RAD50: variants seen among roughly 807,000 people sequenced by gnomAD.
RAD50 encodes RAD50 double strand break repair protein, also known as DNA repair protein RAD50.
RAD50 carries 132 observed loss-of-function variants against 168.8 expected under a neutral mutation model. The observed-to-expected ratio is 0.78, with a 90% CI of 0.68 to 0.90. RAD50 has a LOEUF of 0.90. Ranked by LOEUF, RAD50 falls within the 40% of genes least tolerant of loss-of-function variation. The pLI is 0.00. For missense variants in RAD50, 1,347 were observed against 1,534.4 expected (o/e 0.88, Z 2.04); for synonymous variants, 525 against 497.4 (o/e 1.06, Z -0.74).
At chr5:132,596,141 G>C (rs1395920136) in intron 13 of RAD50, among the ~76,000 whole-genome samples, 2 of 151,958 alleles carry the variant, frequency 1.3e-5, no homozygotes, top group African/African-American at 4.8e-5. Flanking sequence ...TTACAGGCAT[G>C]TACCACCACG....
chr5:132,611,795 C>T (rs1751093010), intron 19 of RAD50, among the ~76,000 whole-genome samples: 4 of 149,400 alleles, frequency 2.7e-5, no homozygotes, highest in Admixed American at 2.7e-4. Flanking sequence ...ATACTGACTA[C>T]AGGATAATGT....
At position 132,623,506 on chromosome 5, in the gene RAD50, A is replaced by G. The variant is rs575252561; in HGVS notation, c.3389+5212A>G. Among the ~76,000 whole-genome samples, 8 of 152,242 alleles carry G rather than the reference A, an allele frequency of 5.3e-5. No homozygotes were observed. In the East Asian group the frequency reaches 1.5e-3, roughly 29 times the overall value. On this transcript the variant is annotated intron_variant, in intron 21 of 24. Coordinates refer to ENST00000378823, the MANE Select transcript of RAD50 (RefSeq NM_005732.4). Reference sequence around the variant, plus strand: ...AAAACTAACAATAACAGTAATAATAATAACCCCAAGTTTAGTTTGTCTGTC... The same window carrying G: ...AAAACTAACAATAACAGTAATAATAGTAACCCCAAGTTTAGTTTGTCTGTC...
At chr5:132,605,521 T>A (rs1581002610) in intron 16 of RAD50, among the ~76,000 whole-genome samples, 1 of 152,098 alleles carries the variant, frequency 6.6e-6, no homozygotes. Context: ...ATTTTTAAAA[T>A]TTTTCTAGAG....
chr5:132,640,647 T>C, intron 23 of RAD50, 25 bp from the exon 24 acceptor site: 1 of 1,614,174 alleles, frequency 6.2e-7, no homozygotes, highest in Non-Finnish European at 8.5e-7. Context: ...TGTGCTGGGC[T>C]TCTCACATAG....
At chr5:132,630,159 C>T (rs1293577131) in intron 21 of RAD50, among the ~76,000 whole-genome samples, 1 of 151,874 alleles carries the variant, frequency 6.6e-6, no homozygotes, top group Admixed American at 6.6e-5. Context: ...TCTTCTGCCT[C>T]GGCCTCCCAA....
intron 20 of RAD50, among the ~76,000 whole-genome samples, chr5:132,616,991 A>G (rs1165623569): frequency 6.6e-6 from 1 of 152,220 alleles, no homozygotes; most frequent in Non-Finnish European, 1.5e-5. Context: ...TCTCTTTCCT[A>G]TATCAGGGAA....
chr5:132,616,244 G>C, intron 20 of RAD50, 114 bp downstream of exon 20: 1 of 1,021,542 alleles, frequency 9.8e-7, no homozygotes. Flanking sequence ...TCCTTTGAGA[G>C]TTACTAGAAG....
At position 132,557,256 on chromosome 5, in the gene RAD50, C is replaced by T; in HGVS notation, c.-69C>T. The T allele has an allele frequency of 6.3e-7, 1 of 1,580,610 alleles. No individual in the cohort carries two copies. Among genetic ancestry groups the T allele is most frequent in the African/African-American group, 1.3e-5 (1 of 74,368 alleles). ...TCGCGGGTCTCACGTCCCGTGCACGCCTTGCTTCGGCCTCAGTTAAGCCTT... is the reference window on the plus strand; with the variant it reads ...TCGCGGGTCTCACGTCCCGTGCACGTCTTGCTTCGGCCTCAGTTAAGCCTT... On this transcript the variant is annotated 5_prime_UTR_variant, in exon 1 of 25. Transcript: ENST00000378823.
chr5:132,566,445 C>T (rs1267233853), intron 2 of RAD50, among the ~76,000 whole-genome samples: 1 of 152,166 alleles, frequency 6.6e-6, no homozygotes, highest in African/African-American at 2.4e-5. Context: ...CAAGTCTGGG[C>T]TTTCAAAGCT....
chr5:132,619,875 T>C (rs1751253761), intron 21 of RAD50, among the ~76,000 whole-genome samples: 1 of 103,994 alleles, frequency 9.6e-6, no homozygotes, highest in Admixed American at 9.5e-5. Flanking sequence ...TATAAAGATA[T>C]ATATATATAT....
intron 5 of RAD50, among the ~76,000 whole-genome samples, chr5:132,581,873 T>C (rs1750510968): frequency 6.6e-6 from 1 of 152,202 alleles, no homozygotes; most frequent in Non-Finnish European, 1.5e-5. Flanking sequence ...CCTTTTTTTT[T>C]CTTCTTTCCC....
At chr5:132,608,087 C>G (rs1751016024) in intron 16 of RAD50, among the ~76,000 whole-genome samples, 1 of 152,176 alleles carries the variant, frequency 6.6e-6, no homozygotes, top group Admixed American at 6.5e-5. Context: ...GCTTTTATTA[C>G]CATGAAATAT....
At chr5:132,592,824 T>C in intron 11 of RAD50, 1 of 471,064 alleles carries the variant, frequency 2.1e-6, no homozygotes, top group Non-Finnish European at 4.4e-6. Flanking sequence ...AGAAATGCTT[T>C]AGGAACTTGA....
At chr5:132,571,845 A>T (rs1241153931) in intron 2 of RAD50, among the ~76,000 whole-genome samples, 1 of 152,246 alleles carries the variant, frequency 6.6e-6, no homozygotes, top group Non-Finnish European at 1.5e-5. Context: ...CCAAAGATAC[A>T]TAACCTGATT....
At chr5:132,624,349 A>G (rs1459899967) in intron 21 of RAD50, among the ~76,000 whole-genome samples, 17 of 152,162 alleles carry the variant, frequency 1.1e-4, no homozygotes, top group African/African-American at 3.9e-4. Context: ...TGCCCAGTAG[A>G]CTACACATAC....
intron 5 of RAD50, among the ~76,000 whole-genome samples, chr5:132,581,244 C>T (rs1420165481): frequency 6.6e-6 from 1 of 151,442 alleles, no homozygotes; most frequent in Non-Finnish European, 1.5e-5. Flanking sequence ...GGATTACAGG[C>T]ATGAGCCACC....
intron 19 of RAD50, among the ~76,000 whole-genome samples, chr5:132,613,537 A>G (rs543210433): frequency 1.3e-5 from 2 of 150,072 alleles, no homozygotes; most frequent in Non-Finnish European, 3.0e-5. Context: ...ATTAGCAATT[A>G]TTGAGTCAGG....
In RAD50 at chr5:132,640,798, C is replaced by T. The variant is rs1230753352; in HGVS notation, c.3745C>T (p.Leu1249=). The T allele has an allele frequency of 5.0e-6, 8 of 1,613,178 alleles. No individual in the cohort carries two copies. Among genetic ancestry groups the T allele is most frequent in the Non-Finnish European group, 5.9e-6 (7 of 1,179,470 alleles). The change falls in exon 24 of 25, where the codon CTG becomes TTG. Residue 1249 remains leucine, a synonymous_variant. Coordinates refer to ENST00000378823, the MANE Select transcript of RAD50 (RefSeq NM_005732.4). Reference sequence around the variant, plus strand: ...AAACATTGAATCTCTTGCACATGCTCTGGTTGAGTAAGTATCTCTTGCACA... The same window carrying T: ...AAACATTGAATCTCTTGCACATGCTTTGGTTGAGTAAGTATCTCTTGCACA... ...RENIESLAHA[L]VEIIKSRSQQ... is the part of the protein sequence containing the mutation.
chr5:132,603,967 G>A lies in RAD50; in HGVS notation c.2445G>A (p.Lys815=), dbSNP rs183510397. The A allele has an allele frequency of 3.8e-5, 62 of 1,612,518 alleles. No homozygotes were observed. The highest frequency in any genetic ancestry group is 5.1e-5 in the Non-Finnish European group (60 of 1,178,646). The change falls in exon 15 of 25, where the codon AAG becomes AAA. Residue 815 remains lysine, a synonymous_variant. Transcript: ENST00000378823. ...VERKIAQQAA[K]LQGIDLDRTV... ...GAAAAATTGCACAACAAGCAGCTAA[G>A]CTACAAGGAATAGACTTAGATCGAA... is the stretch of plus-strand genomic sequence containing the variant.
Sources: gnomAD v4.1 joint callset for allele counts (sites outside exome capture counted in the v4.1 genomes callset) on GRCh38, gnomAD v4.1.1 for gene constraint, MANE v1.5 for transcripts, NCBI Gene and HGNC (gene_info 2026-07-23, HGNC 2026-07-21) for gene names.